IARS1: variants seen among roughly 807,000 people sequenced by gnomAD.
IARS1 encodes the protein isoleucyl-tRNA synthetase 1.
IARS1 carries 124 observed loss-of-function variants against 168.2 expected under a neutral mutation model. The observed-to-expected ratio is 0.74, with a 90% CI of 0.64 to 0.86. IARS1 has a LOEUF of 0.86. IARS1 is among the 40% of genes least tolerant of loss of function. The probability of loss-of-function intolerance (pLI) is 0.00; values close to 1 mark genes in which losing one functional copy is unlikely to be tolerated. For missense variants in IARS1, 1,452 were observed against 1,515.8 expected, an observed-to-expected ratio of 0.96 and a Z score of 0.70; for synonymous variants, 532 against 529.4, an observed-to-expected ratio of 1.00 and a Z score of -0.07.
chr9:92,265,626 A>C lies in IARS1; in HGVS notation c.1432-73T>G, dbSNP rs1268151902. On this transcript the variant is annotated intron_variant, in intron 14 of 33. Transcript: ENST00000443024. ...AGCATACTGAGTTAATTTATATAGCATGCATGTTTACTTTGAGAGACTGAT... is the reference window on the plus strand; with the variant it reads ...AGCATACTGAGTTAATTTATATAGCCTGCATGTTTACTTTGAGAGACTGAT... 172 of 1,120,796 alleles carry C rather than the reference A, an allele frequency of 1.5e-4. 3 individuals are homozygous for C. The South Asian group carries it at 2.1e-3, about 13-fold the overall frequency. 69.4% of individuals were successfully genotyped at this position (1,120,796 alleles called of 1,614,324 possible).
chr9:92,277,810 T>C, intron 9 of IARS1, 53 bp downstream of exon 9: 1 of 1,463,800 alleles, frequency 6.8e-7, no homozygotes, highest in Non-Finnish European at 9.5e-7. Context: ...ACACCCCAGC[T>C]ATCAAATAAT....
At chr9:92,263,736 A>C (rs1831870478) in intron 16 of IARS1, among the ~76,000 whole-genome samples, 1 of 152,212 alleles carries the variant, frequency 6.6e-6, no homozygotes, top group African/African-American at 2.4e-5. Context: ...GAGGTAGCCC[A>C]GGCCTCAGGA....
intron 1 of IARS1, among the ~76,000 whole-genome samples, chr9:92,290,465 T>C (rs1390549578): frequency 6.6e-6 from 1 of 152,176 alleles, no homozygotes; most frequent in Non-Finnish European, 1.5e-5. Flanking sequence ...ATATGATTTA[T>C]AAAAAATTTC....
intron 33 of IARS1, 105 bp from the exon 34 acceptor site, chr9:92,210,994 C>A: frequency 1.4e-6 from 1 of 714,254 alleles, no homozygotes; most frequent in Non-Finnish European, 2.5e-6. Context: ...TTGGCCTTAT[C>A]CTAAGAGTTC....
rs759528981 is a variant in IARS1, at chr9:92,263,058, G to GA, written c.1701-4dup. 7.2e-5 allele frequency: 115 copies of GA among 1,603,078 alleles called. No individual in the cohort carries two copies. The highest frequency in any genetic ancestry group is 1.7e-4 in the Middle Eastern group (1 of 6,026). ...CCAGCACCAGCAGGGTATAAAACCT[G>GA]AAAAAAAACCCCAAACAGTTCAATA... On this transcript the variant is annotated splice_polypyrimidine_tract_variant and splice_region_variant and intron_variant, in intron 16 of 33. Transcript: ENST00000443024.
Position 92,285,844 on chromosome 9 carries a change from T to TA in IARS1, c.480-6dup, listed in dbSNP as rs1308226094. 2 of 1,497,442 alleles carry TA rather than the reference T, an allele frequency of 1.3e-6. No individual in the cohort carries two copies. Among genetic ancestry groups the TA allele is most frequent in the Non-Finnish European group, 1.9e-6 (2 of 1,076,284 alleles). The allele number at this position is 1,497,442 out of a possible 1,614,324, so 92.8% of individuals were successfully genotyped here. A position where few individuals can be genotyped will look rare whatever the true frequency, so the allele number is the denominator to read the frequency against. On this transcript the variant is annotated splice_region_variant and splice_polypyrimidine_tract_variant and intron_variant, in intron 5 of 33. Transcript: ENST00000443024. The stretch of plus-strand genomic sequence containing the variant: ...TAGAGTTGTTTGAAGACCCACCTGG[T>TA]AAGAGATGGAGTTTCACAATTACAG...
In IARS1 at chr9:92,285,918, TAG is replaced by T. The variant is rs1199208155; in HGVS notation, c.480-81_480-80del. On this transcript the variant is annotated intron_variant, in intron 5 of 33. Coordinates refer to ENST00000443024, the MANE Select transcript of IARS1 (RefSeq NM_002161.6). ...GCAAACATTTATGCCATTTTCTTTT[TAG>T]AGTTTCTGTCTGCCAAATAAGTGAA... is the stretch of plus-strand genomic sequence containing the variant. 8.2e-5 allele frequency: 69 copies of T among 840,166 alleles called. 1 individual carries two copies. In the Middle Eastern group the frequency reaches 1.4e-3, roughly 17 times the overall value. 52.0% of individuals were successfully genotyped at this position (840,166 alleles called of 1,614,324 possible).
intron 15 of IARS1, 97 bp downstream of exon 15, chr9:92,265,383 G>T: frequency 1.8e-6 from 2 of 1,123,562 alleles, no homozygotes; most frequent in South Asian, 1.3e-5. Flanking sequence ...AATTCAGCAA[G>T]CTAGTCACTT....
intron 21 of IARS1, chr9:92,252,420 T>C (rs1830133424): frequency 5.8e-6 from 3 of 513,020 alleles, no homozygotes; most frequent in Non-Finnish European, 1.2e-5. Flanking sequence ...GAGATACATC[T>C]GCACAAAAAT....
intron 30 of IARS1, among the ~76,000 whole-genome samples, chr9:92,239,662 C>T (rs1388111833): frequency 6.6e-6 from 1 of 152,114 alleles, no homozygotes; most frequent in African/African-American, 2.4e-5. Context: ...GGATGGAAAT[C>T]TAGGCTTTCC....
At chr9:92,243,180 C>G (rs1477523341) in intron 28 of IARS1, 36 bp downstream of exon 28, 9 of 1,532,538 alleles carry the variant, frequency 5.9e-6, no homozygotes, top group Non-Finnish European at 7.2e-6. Flanking sequence ...AAACAAAAAG[C>G]CAAAACAGTA....
intron 6 of IARS1, among the ~76,000 whole-genome samples, chr9:92,283,987 C>T (rs919905330): frequency 6.6e-6 from 1 of 152,022 alleles, no homozygotes; most frequent in African/African-American, 2.4e-5. Context: ...TCAAGACCAG[C>T]CCAGGCAACA....
chr9:92,284,827 G>A (rs1271223048), intron 6 of IARS1, among the ~76,000 whole-genome samples: 1 of 152,082 alleles, frequency 6.6e-6, no homozygotes, highest in Non-Finnish European at 1.5e-5. Context: ...ACAAAGGTAA[G>A]CCTTGGAAAC....
chr9:92,272,542 A>G (rs1255589562), intron 10 of IARS1, among the ~76,000 whole-genome samples: 2 of 152,208 alleles, frequency 1.3e-5, no homozygotes, highest in African/African-American at 2.4e-5. Context: ...AGTGCAACGG[A>G]AGGCCTCTCA....
chr9:92,219,640 G>T (rs367707061), intron 33 of IARS1, among the ~76,000 whole-genome samples: 3 of 151,580 alleles, frequency 2.0e-5, no homozygotes, highest in East Asian at 1.9e-4. Flanking sequence ...AAGAAGACAT[G>T]TATGCAGCCA....
chr9:92,256,439 T>C, intron 20 of IARS1: 1 of 242,202 alleles, frequency 4.1e-6, no homozygotes, highest in Non-Finnish European at 7.9e-6. Flanking sequence ...CCTGCCTGCC[T>C]TGGTCTCCCA....
At chr9:92,283,786 A>G (rs1468724719) in intron 6 of IARS1, among the ~76,000 whole-genome samples, 1 of 152,232 alleles carries the variant, frequency 6.6e-6, no homozygotes, top group African/African-American at 2.4e-5. Flanking sequence ...AAAAATAAAT[A>G]AATAAAAATA....
At position 92,286,613 on chromosome 9, in the gene IARS1, A is replaced by G. The variant is rs929356258; in HGVS notation, c.402T>C (p.Thr134=). 6 of 1,530,616 alleles carry G rather than the reference A, an allele frequency of 3.9e-6. No individual in the cohort carries two copies. Among genetic ancestry groups the G allele is most frequent in the Non-Finnish European group, 5.4e-6 (6 of 1,104,730 alleles). 94.8% of individuals were successfully genotyped at this position (1,530,616 alleles called of 1,614,324 possible). A position where few individuals can be genotyped will look rare whatever the true frequency, so the allele number is the denominator to read the frequency against. Residue 134 remains threonine, a synonymous_variant, in exon 5 of 34, where the codon ACT becomes ACC. Transcript: ENST00000443024. ...VMRYSAEWKS[T]VSRLGRWIDF... Reference sequence around the variant, plus strand: ...CAATCCATCGGCCAAGTCTGCTAACAGTAGACTTTAAAATATTAATATTAG... The same window carrying G: ...CAATCCATCGGCCAAGTCTGCTAACGGTAGACTTTAAAATATTAATATTAG...
chr9:92,279,951 G>C (rs905419908), intron 7 of IARS1, among the ~76,000 whole-genome samples: 1 of 152,128 alleles, frequency 6.6e-6, no homozygotes, highest in Non-Finnish European at 1.5e-5. Flanking sequence ...GTTCATTCAA[G>C]GCATAGCCTG....
Sources: allele counts gnomAD v4.1 joint callset (sites outside exome capture counted in the v4.1 genomes callset), GRCh38; gene constraint gnomAD v4.1.1; transcripts MANE v1.5; gene names NCBI Gene and HGNC (gene_info 2026-07-23, HGNC 2026-07-21).